Variants in ABCA4 observed in about 807,000 individuals in gnomAD.
The protein encoded by ABCA4 is ATP binding cassette subfamily A member 4, also known as retinal-specific phospholipid-transporting ATPase ABCA4.
Under a neutral mutation model 263.7 loss-of-function variants are expected in ABCA4, and 196 were observed. That is an observed-to-expected ratio of 0.74 (90% CI 0.66 to 0.84). The LOEUF (loss-of-function observed/expected upper bound fraction) is 0.84, where lower values mean the gene tolerates loss of function less well. Ranked by LOEUF, ABCA4 falls within the 40% of genes least tolerant of loss-of-function variation. The pLI is 0.00. For missense variants in ABCA4, 2,792 were observed against 2,855.1 expected (o/e 0.98, Z 0.50); for synonymous variants, 1,133 against 1,094.2 (o/e 1.04, Z -0.70).
chr1:94,079,468 G>A lies in ABCA4; in HGVS notation c.1100-7C>T. 6.2e-7 allele frequency: 1 copy of A among 1,614,182 alleles called. No homozygotes were observed. Among genetic ancestry groups the A allele is most frequent in the Non-Finnish European group, 8.5e-7 (1 of 1,180,018 alleles). On this transcript the variant is annotated splice_region_variant and splice_polypyrimidine_tract_variant and intron_variant, in intron 8 of 49. Transcript: ENST00000370225. ...AATGCATTACAAAAGGATGCTGCCA[G>A]GAGACAAGGGACAGATTTTACAGAA...
intron 14 of ABCA4, 146 bp downstream of exon 14, chr1:94,060,390 TC>T (rs1420460075): frequency 1.1e-5 from 8 of 759,244 alleles, no homozygotes; most frequent in African/African-American, 1.7e-5. Flanking sequence ...TTTGAGTGTC[TC>T]CCACGTTGGC....
intron 16 of ABCA4, among the ~76,000 whole-genome samples, chr1:94,054,299 G>A (rs899097573): frequency 2.6e-5 from 4 of 152,126 alleles, no homozygotes; most frequent in Non-Finnish European, 5.9e-5. Context: ...ATTCTACTAA[G>A]GGCAGAGAGT....
Position 94,044,616 on chromosome 1 carries a change from TG to T in ABCA4, c.3046del (p.His1016ThrfsTer15). The stretch of plus-strand genomic sequence containing the variant: ...TCTCAGTTCCTGTGTCGCTTACTGG[TG>T]GAACAGGATGTTGTGCTGTGGACAC... ...GMCPQHNILFHHLTVAEHMLF... is the reference protein window; with the variant it reads ...GMCPQHNILFXHLTVAEHMLF... On this transcript the variant is annotated frameshift_variant, in exon 20 of 50. Transcript: ENST00000370225. LOFTEE classifies it high-confidence loss of function. 1 of 1,614,080 alleles carries T rather than the reference TG, an allele frequency of 6.2e-7. No individual in the cohort carries two copies. Among genetic ancestry groups the T allele is most frequent in the Non-Finnish European group, 8.5e-7 (1 of 1,180,002 alleles).
rs1035193409 is a variant in ABCA4, at chr1:94,080,513, C to T, written c.1064G>A (p.Arg355Lys). The T allele has an allele frequency of 3.1e-6, 5 of 1,614,070 alleles. No individual in the cohort carries two copies. The African/African-American group carries it at 5.3e-5, about 17-fold the overall frequency. The change falls in exon 8 of 50, where the codon AGG (arginine) becomes AAG (lysine). Residue 355 changes from arginine to lysine, a missense_variant. Transcript: ENST00000370225. ...YKAFLGIDST[R>K]KDPIYSYDRR... Reference sequence around the variant, plus strand: ...GTCATAAGAATAGATAGGATCCTTCCTTGTGGAGTCAATCCCCAGAAAGGC... The same window carrying T: ...GTCATAAGAATAGATAGGATCCTTCTTTGTGGAGTCAATCCCCAGAAAGGC...
intron 11 of ABCA4, among the ~76,000 whole-genome samples, chr1:94,070,150 A>T (rs1193170684): frequency 6.6e-6 from 1 of 152,220 alleles, no homozygotes. Context: ...AGAGCTGGGC[A>T]CTGACCAATC....
intron 24 of ABCA4, 138 bp downstream of exon 24, chr1:94,039,905 A>G: frequency 1.3e-6 from 1 of 772,228 alleles, no homozygotes; most frequent in Non-Finnish European, 2.3e-6. Context: ...AGCTCAAAGC[A>G]AAAGAACAAC....
chr1:94,078,754 T>A (rs1258215394), intron 9 of ABCA4, 48 bp from the exon 10 acceptor site: 2 of 1,351,362 alleles, frequency 1.5e-6, no homozygotes, highest in Non-Finnish European at 2.1e-6. Flanking sequence ...GAGAGAAAAG[T>A]GAGAGAGAAC....
At chr1:94,118,652 C>A (rs1472345072) in intron 1 of ABCA4, among the ~76,000 whole-genome samples, 1 of 152,204 alleles carries the variant, frequency 6.6e-6, no homozygotes, top group African/African-American at 2.4e-5. Flanking sequence ...AATTTCCAGG[C>A]CATCAGGATG....
intron 36 of ABCA4, chr1:94,019,329 C>T (rs1451366179): frequency 2.1e-6 from 1 of 486,164 alleles, no homozygotes; most frequent in Non-Finnish European, 3.8e-6. Context: ...CCCCTCAGTG[C>T]AGGACATAGA....
chr1:94,053,492 G>A (rs1378530307), intron 16 of ABCA4, among the ~76,000 whole-genome samples: 1 of 152,228 alleles, frequency 6.6e-6, no homozygotes, highest in African/African-American at 2.4e-5. Flanking sequence ...ATGTGGCCTT[G>A]TTTAGGAACA....
At chr1:94,042,253 C>A (rs1290289671) in intron 22 of ABCA4, among the ~76,000 whole-genome samples, 1 of 152,142 alleles carries the variant, frequency 6.6e-6, no homozygotes, top group Non-Finnish European at 1.5e-5. Flanking sequence ...CGTGCTGTTA[C>A]CTCTATGGGC....
At chr1:94,047,118 A>T (rs1660708870) in intron 18 of ABCA4, 25 bp from the exon 19 acceptor site, 1 of 1,613,322 alleles carries the variant, frequency 6.2e-7, no homozygotes. Flanking sequence ...AATGAACATG[A>T]TGTAAACATA....
chr1:94,037,235 T>G lies in ABCA4; in HGVS notation c.3723A>C (p.Arg1241Ser). ...FLLPNKNFKH[R>S]AYASLFRELE... ...GCTCTCTGAAAAGGCTGGCATATGC[T>G]CTGTGCTTGAAGTTCTTATTTGGAA... Residue 1241 changes from arginine (R) to serine (S), a missense_variant, in exon 25 of 50, where the codon AGA (arginine) becomes AGC (serine). Coordinates refer to ENST00000370225, the MANE Select transcript of ABCA4 (RefSeq NM_000350.3). 1 of 1,614,220 alleles carries G rather than the reference T, an allele frequency of 6.2e-7. No individual in the cohort carries two copies. Among genetic ancestry groups the G allele is most frequent in the Non-Finnish European group, 8.5e-7 (1 of 1,180,036 alleles).
Position 94,015,769 on chromosome 1 carries a change from G to A in ABCA4, c.5282C>T (p.Pro1761Leu). 4 of 1,613,942 alleles carry A rather than the reference G, an allele frequency of 2.5e-6. No individual in the cohort carries two copies. The highest frequency in any genetic ancestry group is 3.4e-6 in the Non-Finnish European group (4 of 1,179,954). The change falls in exon 37 of 50, where the codon CCT becomes CTT. Residue 1761 changes from proline (P) to leucine (L), a missense_variant. Pro to Leu is a moderately conservative substitution (Grantham distance 98). Transcript: ENST00000370225. Reference protein sequence around the residue: ...KKAYTSPENLPALVALLLLYG... With the variant: ...KKAYTSPENLLALVALLLLYG... ...CAGCAGGAGCAGTGCCACAAGGGCAGGAAGGTTTTCTGGAGAAGTGTAGGC... is the reference window on the plus strand; with the variant it reads ...CAGCAGGAGCAGTGCCACAAGGGCAAGAAGGTTTTCTGGAGAAGTGTAGGC...
At position 94,084,270 on chromosome 1, in the gene ABCA4, C is replaced by T. The variant is rs576498418; in HGVS notation, c.769-829G>A. ...TCTAAGTGTAAAGACAGTGGTTTTC[C>T]AACTCAAGTGTGCTTCCTGAGTAGG... On this transcript the variant is annotated intron_variant, in intron 6 of 49. Coordinates refer to ENST00000370225, the MANE Select transcript of ABCA4 (RefSeq NM_000350.3). Among the ~76,000 whole-genome samples, 18 of 152,336 alleles carry T rather than the reference C, an allele frequency of 1.2e-4. 1 individual carries two copies. Among genetic ancestry groups the T allele is most frequent in the Non-Finnish European group, 1.5e-5 (1 of 68,022 alleles).
chr1:94,070,320 A>G (rs1661371027), intron 11 of ABCA4, among the ~76,000 whole-genome samples: 2 of 152,134 alleles, frequency 1.3e-5, no homozygotes, highest in Admixed American at 6.5e-5. Flanking sequence ...TTTCACCTAT[A>G]GGTGAAGCTT....
intron 7 of ABCA4, among the ~76,000 whole-genome samples, chr1:94,081,734 C>T (rs899519186): frequency 6.6e-6 from 1 of 152,138 alleles, no homozygotes; most frequent in African/African-American, 2.4e-5. Context: ...GGTTGGTGGC[C>T]TTCTCTTCTC....
chr1:94,056,749 A>T lies in ABCA4; in HGVS notation c.2234T>A (p.Ile745Asn). ...GGTGCTGAGCAGAAAGCACAGCATG[A>T]TGGTGGCAGTGGAGAAAGCCAACAA... ...LFLLAFSTAT[I>N]MLCFLLSTFF... The change falls in exon 15 of 50, where the codon ATC (isoleucine) becomes AAC (asparagine). Residue 745 changes from isoleucine (I) to asparagine (N), a missense_variant. Coordinates refer to ENST00000370225, the MANE Select transcript of ABCA4 (RefSeq NM_000350.3). 6.2e-7 allele frequency: 1 copy of T among 1,613,890 alleles called. No individual in the cohort carries two copies. The highest frequency in any genetic ancestry group is 1.1e-5 in the South Asian group (1 of 91,002).
chr1:94,056,715 G>A lies in ABCA4; in HGVS notation c.2268C>T (p.Ser756=). 1 of 1,614,054 alleles carries A rather than the reference G, an allele frequency of 6.2e-7. No homozygotes were observed. The highest frequency in any genetic ancestry group is 1.1e-5 in the South Asian group (1 of 91,046). Residue 756 remains serine, a synonymous_variant, in exon 15 of 50, where the codon TCC becomes TCT. Transcript: ENST00000370225. The part of the protein sequence containing the change: ...MLCFLLSTFF[S]KASLAAACSG... ...TACAGGCTGCTGCCAGACTGGCCTT[G>A]GAGAAGAAGGTGCTGAGCAGAAAGC... is the stretch of plus-strand genomic sequence containing the variant.
Sources: gnomAD v4.1 joint callset for allele counts (sites outside exome capture counted in the v4.1 genomes callset) on GRCh38, gnomAD v4.1.1 for gene constraint, MANE v1.5 for transcripts, NCBI Gene and HGNC (gene_info 2026-07-23, HGNC 2026-07-21) for gene names.